Variants in ERBB4 observed in about 807,000 individuals in gnomAD.
ERBB4 encodes the protein receptor tyrosine-protein kinase erbB-4.
In ERBB4, 42 loss-of-function variants were observed where a neutral mutation model predicts 158.0. The observed-to-expected ratio is 0.27, with a 90% CI of 0.21 to 0.34. ERBB4 has a LOEUF of 0.34. ERBB4 is among the 10% of genes least tolerant of loss of function. The pLI, the probability that ERBB4 is intolerant of heterozygous loss-of-function variation, is 1.00. For synonymous variants in ERBB4, 583 were observed against 558.7 expected, an observed-to-expected ratio of 1.04 and a Z score of -0.61; for missense variants, 1,333 against 1,624.1, an observed-to-expected ratio of 0.82 and a Z score of 3.08.
At chr2:212,046,059 G>A (rs1381555111) in intron 2 of ERBB4, among the ~76,000 whole-genome samples, 1 of 152,174 alleles carries the variant, frequency 6.6e-6, no homozygotes, top group Admixed American at 6.5e-5. Flanking sequence ...CTCTGAAGAT[G>A]ACAATTTGGA....
At chr2:211,492,466 C>T (rs973615648) in intron 20 of ERBB4, among the ~76,000 whole-genome samples, 2 of 152,048 alleles carry the variant, frequency 1.3e-5, no homozygotes, top group African/African-American at 4.8e-5. Context: ...AATCTACCTA[C>T]CACTGAGGAC....
chr2:211,902,332 C>A (rs977080025), intron 3 of ERBB4, among the ~76,000 whole-genome samples: 1 of 151,924 alleles, frequency 6.6e-6, no homozygotes, highest in African/African-American at 2.4e-5. Flanking sequence ...ACAGTAAACA[C>A]AGAAATAAAA....
chr2:212,014,870 G>T (rs2076471655), intron 2 of ERBB4, among the ~76,000 whole-genome samples: 5 of 150,986 alleles, frequency 3.3e-5, no homozygotes, highest in Admixed American at 3.3e-4. Flanking sequence ...CATCTAGCTT[G>T]TATATTATAA....
At chr2:212,058,639 C>T (rs192484105) in intron 2 of ERBB4, among the ~76,000 whole-genome samples, 145 of 152,200 alleles carry the variant, frequency 9.5e-4, no homozygotes, top group African/African-American at 2.9e-3. Flanking sequence ...GTTCAACATA[C>T]GCAAATCAAT....
At chr2:211,816,587 T>G (rs905055055) in intron 3 of ERBB4, among the ~76,000 whole-genome samples, 1 of 149,664 alleles carries the variant, frequency 6.7e-6, no homozygotes, top group Non-Finnish European at 1.5e-5. Context: ...GTATTATTCA[T>G]GAATAAGCAT....
intron 4 of ERBB4, among the ~76,000 whole-genome samples, chr2:211,772,854 T>TATATATACAC (rs2075738963): frequency 5.0e-5 from 3 of 59,712 alleles, no homozygotes; most frequent in African/African-American, 2.2e-4. Flanking sequence ...TATATATATA[T>TATATATACAC]ATATATATAT....
Position 212,179,913 on chromosome 2 carries a change from A to G in ERBB4, c.83-55010T>C, listed in dbSNP as rs552376955. Among the ~76,000 whole-genome samples the G allele has an allele frequency of 1.1e-4, 17 of 151,810 alleles. No homozygotes were observed. The South Asian group carries it at 3.5e-3, about 31-fold the overall frequency. ...AGAAAAGCCTTTACAAAGTGAAGCT[A>G]ATGGCACATGTGTGAGGAGAATGTG... On this transcript the variant is annotated intron_variant, in intron 1 of 27. Transcript: ENST00000342788.
chr2:212,003,211 AAGAAG>A (rs2076172759), intron 2 of ERBB4, among the ~76,000 whole-genome samples: 7 of 55,964 alleles, frequency 1.3e-4, no homozygotes, highest in East Asian at 7.0e-4. Context: ...GAAAGACAGA[AAGAAG>A]GAAGGAAGGA....
chr2:212,136,395 C>T (rs111648643), intron 1 of ERBB4, among the ~76,000 whole-genome samples: 24 of 152,186 alleles, frequency 1.6e-4, no homozygotes, highest in South Asian at 1.2e-3. Context: ...ACACTAGAAA[C>T]GGGAAAAAAT....
At chr2:212,217,129 T>C (rs1023377412) in intron 1 of ERBB4, among the ~76,000 whole-genome samples, 4 of 151,412 alleles carry the variant, frequency 2.6e-5, no homozygotes, top group East Asian at 1.9e-4. Flanking sequence ...GCTTGGATGC[T>C]AGAATATAAT....
intron 1 of ERBB4, among the ~76,000 whole-genome samples, chr2:212,192,064 G>T (rs1169583778): frequency 7.2e-5 from 7 of 97,722 alleles, no homozygotes; most frequent in East Asian, 3.1e-4. Context: ...TGTTATATAT[G>T]TTATATGTTA....
At chr2:212,277,353 T>C (rs1224808995) in intron 1 of ERBB4, among the ~76,000 whole-genome samples, 1 of 151,780 alleles carries the variant, frequency 6.6e-6, no homozygotes, top group Non-Finnish European at 1.5e-5. Flanking sequence ...TTAATATTTT[T>C]TGATGTGTGT....
chr2:212,479,619 A>G (rs1023930177), intron 1 of ERBB4, among the ~76,000 whole-genome samples: 1 of 152,198 alleles, frequency 6.6e-6, no homozygotes, highest in African/African-American at 2.4e-5. Context: ...GCAGCTCACA[A>G]TATTAGGAAG....
At chr2:212,384,356 A>G (rs1416088021) in intron 1 of ERBB4, among the ~76,000 whole-genome samples, 1 of 151,570 alleles carries the variant, frequency 6.6e-6, no homozygotes, top group Non-Finnish European at 1.5e-5. Flanking sequence ...TACCCAGAGC[A>G]CCAAATTACC....
rs910348731 is a variant in ERBB4, at chr2:211,476,742, A to G, written c.2488-45642T>C. 3.3e-5 allele frequency among the ~76,000 whole-genome samples: 5 copies of G among 152,114 alleles called. No homozygotes were observed. The East Asian group carries it at 7.8e-4, about 24-fold the overall frequency. On this transcript the variant is annotated intron_variant, in intron 20 of 27. Transcript: ENST00000342788. Reference sequence around the variant, plus strand: ...ACTATAAACTTGTTTTGCAAAATACAAAACAAAAGAAAAACCTGAATTTGA... The same window carrying G: ...ACTATAAACTTGTTTTGCAAAATACGAAACAAAAGAAAAACCTGAATTTGA...
At chr2:212,113,569 A>AAG in intron 2 of ERBB4, among the ~76,000 whole-genome samples, 1 of 94,600 alleles carries the variant, frequency 1.1e-5, no homozygotes, top group Admixed American at 1.2e-4. Flanking sequence ...GCGAGACTCC[A>AAG]TCTCAAAAAA....
intron 3 of ERBB4, among the ~76,000 whole-genome samples, chr2:211,861,097 TACA>T (rs2078020257): frequency 2.7e-5 from 1 of 36,648 alleles, no homozygotes; most frequent in Non-Finnish European, 4.9e-5. Flanking sequence ...AATATATAAA[TACA>T]TTATATATAT....
At position 212,149,544 on chromosome 2, in the gene ERBB4, A is replaced by G. The variant is rs545147345; in HGVS notation, c.83-24641T>C. 9.8e-5 allele frequency among the ~76,000 whole-genome samples: 15 copies of G among 152,340 alleles called. No homozygotes were observed. The East Asian group carries it at 2.9e-3, about 29-fold the overall frequency. ...TGCTAACTTACAGGAAGGTAGAAAT[A>G]GAAACAGCGGCACAGTAGCATATGC... On this transcript the variant is annotated intron_variant, in intron 1 of 27. Transcript: ENST00000342788.
chr2:212,108,497 T>C (rs775255429), intron 2 of ERBB4, among the ~76,000 whole-genome samples: 9 of 152,170 alleles, frequency 5.9e-5, no homozygotes, highest in Non-Finnish European at 1.3e-4. Context: ...AGCAGTGTGT[T>C]CAGGGGTCAT....
Sources: gnomAD v4.1 joint callset for allele counts (sites outside exome capture counted in the v4.1 genomes callset) on GRCh38, gnomAD v4.1.1 for gene constraint, MANE v1.5 for transcripts, NCBI Gene and HGNC (gene_info 2026-07-23, HGNC 2026-07-21) for gene names.